The following MARCHF3 variants were observed in gnomAD, a reference collection of about 807,000 sequenced individuals.
MARCHF3 encodes E3 ubiquitin-protein ligase MARCHF3.
MARCHF3 carries 13 observed loss-of-function variants against 24.2 expected under a neutral mutation model. The observed-to-expected ratio is 0.54, with a 90% CI of 0.35 to 0.85. The LOEUF (loss-of-function observed/expected upper bound fraction) is 0.85, where lower values mean the gene tolerates loss of function less well. Among genes scored for constraint, MARCHF3 ranks in the 40% least tolerant of loss-of-function variants. MARCHF3 has a pLI of 0.01. For synonymous variants in MARCHF3, 144 were observed against 137.3 expected (o/e 1.05, Z -0.34); for missense variants, 276 against 325.0 (o/e 0.85, Z 1.16).
chr5:126,948,545 C>T lies in MARCHF3; in HGVS notation c.-56-30318G>A, dbSNP rs576346565. On this transcript the variant is annotated intron_variant, in intron 1 of 4. Coordinates refer to ENST00000308660, the MANE Select transcript of MARCHF3 (RefSeq NM_178450.5). ...GCAATATGCTGAATAAAAGAATGAA[C>T]GGGAGAACCAAAAGCTGAAAGCAGC... Among the ~76,000 whole-genome samples the T allele has an allele frequency of 3.3e-5, 5 of 152,262 alleles. No homozygotes were observed. In the South Asian group the frequency reaches 8.3e-4, roughly 25 times the overall value.
intron 1 of MARCHF3, among the ~76,000 whole-genome samples, chr5:127,006,570 C>T (rs898789122): frequency 6.6e-6 from 1 of 152,158 alleles, no homozygotes; most frequent in African/African-American, 2.4e-5. Context: ...TAAAAAATGA[C>T]TGCTAGGTAG....
chr5:127,024,691 A>G (rs546820943), intron 1 of MARCHF3, among the ~76,000 whole-genome samples: 2 of 152,326 alleles, frequency 1.3e-5, no homozygotes, highest in East Asian at 1.9e-4. Flanking sequence ...ATTATTGTCA[A>G]TTAAAAAGAT....
chr5:126,985,678 T>C (rs1301533849), intron 1 of MARCHF3, among the ~76,000 whole-genome samples: 1 of 152,120 alleles, frequency 6.6e-6, no homozygotes, highest in Non-Finnish European at 1.5e-5. Flanking sequence ...GGTTTCACCA[T>C]GTTGGCCAGG....
intron 1 of MARCHF3, among the ~76,000 whole-genome samples, chr5:126,921,102 G>A (rs1250256751): frequency 2.0e-5 from 3 of 151,384 alleles, no homozygotes; most frequent in Non-Finnish European, 2.9e-5. Context: ...ATGATAGTCC[G>A]GTCCAGCATT....
intron 1 of MARCHF3, among the ~76,000 whole-genome samples, chr5:126,939,521 C>T (rs929038471): frequency 6.6e-6 from 1 of 152,044 alleles, no homozygotes; most frequent in African/African-American, 2.4e-5. Context: ...AACACAGAAC[C>T]ATAGTATCTG....
intron 1 of MARCHF3, among the ~76,000 whole-genome samples, chr5:126,941,648 G>A (rs1749834407): frequency 6.6e-6 from 1 of 152,202 alleles, no homozygotes; most frequent in African/African-American, 2.4e-5. Context: ...AGCAGAGGAA[G>A]CAGTTACATT....
chr5:126,927,654 G>A (rs1749339833), intron 1 of MARCHF3, among the ~76,000 whole-genome samples: 1 of 152,176 alleles, frequency 6.6e-6, no homozygotes, highest in African/African-American at 2.4e-5. Flanking sequence ...CCGGCATGCT[G>A]TCTCCACAAT....
At chr5:126,993,989 A>G (rs1751864551) in intron 1 of MARCHF3, among the ~76,000 whole-genome samples, 1 of 152,250 alleles carries the variant, frequency 6.6e-6, no homozygotes, top group African/African-American at 2.4e-5. Context: ...TACACCTGTC[A>G]TTCTACCTAG....
chr5:126,893,567 C>G (rs899262378), intron 3 of MARCHF3, among the ~76,000 whole-genome samples: 1 of 151,560 alleles, frequency 6.6e-6, no homozygotes, highest in Non-Finnish European at 1.5e-5. Context: ...CATTCAGGAG[C>G]AGGTTGTTCA....
chr5:126,962,212 C>A (rs1750660090), intron 1 of MARCHF3, among the ~76,000 whole-genome samples: 1 of 151,950 alleles, frequency 6.6e-6, no homozygotes, highest in East Asian at 1.9e-4. Context: ...CACACACACC[C>A]TATATATCTA....
In MARCHF3 at chr5:126,931,482, C is replaced by T. The variant is rs545706157; in HGVS notation, c.-56-13255G>A. On this transcript the variant is annotated intron_variant, in intron 1 of 4. Transcript: ENST00000308660. ...TCTGTGCTAGAAAGTAATATTATTA[C>T]TCAGATACTTAGATCTCTAGTCATA... Among the ~76,000 whole-genome samples the T allele has an allele frequency of 5.9e-4, 90 of 152,148 alleles. 2 individuals carry two copies. The highest frequency in any genetic ancestry group is 5.6e-3 in the South Asian group (27 of 4,824).
At chr5:126,902,216 C>T (rs149504537) in intron 3 of MARCHF3, among the ~76,000 whole-genome samples, 1 of 152,266 alleles carries the variant, frequency 6.6e-6, no homozygotes, top group Non-Finnish European at 1.5e-5. Context: ...TCCCTGGCCC[C>T]AACAGGCTAT....
Position 126,868,656 on chromosome 5 carries a change from A to G in MARCHF3, c.*1977T>C, listed in dbSNP as rs917417930. The G allele has an allele frequency of 6.6e-6, 1 of 152,096 alleles. No individual in the cohort carries two copies. The highest frequency in any genetic ancestry group is 1.5e-5 in the Non-Finnish European group (1 of 68,032). 9.4% of individuals were successfully genotyped at this position (152,096 alleles called of 1,614,324 possible). ...CTTAATTCATGCAAGAAACAGGGAG[A>G]AGGGGTATGGTCCTCTCATGAATGT... On this transcript the variant is annotated 3_prime_UTR_variant, in exon 5 of 5. Transcript: ENST00000308660.
intron 1 of MARCHF3, among the ~76,000 whole-genome samples, chr5:126,985,635 A>AT (rs139041934): frequency 0.051 from 7,796 of 151,780 alleles, 369 homozygotes; most frequent in South Asian, 0.14. Flanking sequence ...CGCCTGGCTA[A>AT]TTTTTTTATT....
At chr5:126,910,071 A>T (rs1259116734) in intron 3 of MARCHF3, among the ~76,000 whole-genome samples, 1 of 152,186 alleles carries the variant, frequency 6.6e-6, no homozygotes, top group Non-Finnish European at 1.5e-5. Flanking sequence ...GGAATACGGA[A>T]ACTTAATCAC....
At chr5:127,027,541 G>A (rs1289035419) in intron 1 of MARCHF3, among the ~76,000 whole-genome samples, 2 of 152,118 alleles carry the variant, frequency 1.3e-5, no homozygotes, top group Admixed American at 1.3e-4. Context: ...CAGAGTGGGG[G>A]GTGAAGGAAC....
Position 126,869,466 on chromosome 5 carries a change from T to G in MARCHF3, c.*1167A>C, listed in dbSNP as rs962958410. The G allele has an allele frequency of 1.3e-5, 2 of 151,804 alleles. No homozygotes were observed. The highest frequency in any genetic ancestry group is 1.3e-4 in the Admixed American group (2 of 15,230). 9.4% of individuals were successfully genotyped at this position (151,804 alleles called of 1,614,324 possible). A position where few individuals can be genotyped will look rare whatever the true frequency, so the allele number is the denominator to read the frequency against. ...AGGGACACGAAACCCTTAGAAAAAGTCTATTTCGGACTGTGACAGAATTGG... is the reference window on the plus strand; with the variant it reads ...AGGGACACGAAACCCTTAGAAAAAGGCTATTTCGGACTGTGACAGAATTGG... On this transcript the variant is annotated 3_prime_UTR_variant, in exon 5 of 5. Coordinates refer to ENST00000308660, the MANE Select transcript of MARCHF3 (RefSeq NM_178450.5).
intron 3 of MARCHF3, among the ~76,000 whole-genome samples, chr5:126,889,310 G>A (rs1189801356): frequency 1.3e-5 from 2 of 151,998 alleles, no homozygotes; most frequent in Non-Finnish European, 2.9e-5. Context: ...GACAAAAGAT[G>A]AGAATACGAT....
chr5:127,015,332 G>C (rs920005959), intron 1 of MARCHF3, among the ~76,000 whole-genome samples: 3 of 152,154 alleles, frequency 2.0e-5, no homozygotes, highest in African/African-American at 7.2e-5. Context: ...AGACAACAGA[G>C]CTTTTGAGAT....
Sources: allele counts gnomAD v4.1 joint callset (sites outside exome capture counted in the v4.1 genomes callset), GRCh38; gene constraint gnomAD v4.1.1; transcripts MANE v1.5; gene names NCBI Gene and HGNC (gene_info 2026-07-23, HGNC 2026-07-21).